CEP350: variants seen among roughly 807,000 people sequenced by gnomAD.
CEP350 encodes centrosome-associated protein 350.
A neutral mutation model predicts 331.8 loss-of-function variants in CEP350; 126 were observed. That is an observed-to-expected ratio of 0.38 (90% CI 0.33 to 0.44). CEP350 has a LOEUF of 0.44. Ranked by LOEUF, CEP350 falls within the 20% of genes least tolerant of loss-of-function variation. The pLI is 1.00. For missense variants in CEP350, 3,406 were observed against 3,634.6 expected, an observed-to-expected ratio of 0.94 and a Z score of 1.62; for synonymous variants, 1,200 against 1,259.5, an observed-to-expected ratio of 0.95 and a Z score of 1.00.
Position 179,954,999 on chromosome 1 carries a change from G to A in CEP350, c.-157G>A. The A allele has an allele frequency of 4.7e-6, 6 of 1,284,316 alleles. No homozygotes were observed. Among genetic ancestry groups the A allele is most frequent in the Non-Finnish European group, 6.0e-6 (6 of 1,006,556 alleles). 79.6% of individuals were successfully genotyped at this position (1,284,316 alleles called of 1,614,324 possible). ...GCGGACCGGCGGATCCCCGGAGCCGGTGCGAGGAGGGCACCCGGTGCGTCC... is the reference window on the plus strand; with the variant it reads ...GCGGACCGGCGGATCCCCGGAGCCGATGCGAGGAGGGCACCCGGTGCGTCC... On this transcript the variant is annotated 5_prime_UTR_variant, in exon 1 of 38. In the 5' UTR this introduces an upstream ATG that the reference lacks. Coordinates refer to ENST00000367607, the MANE Select transcript of CEP350 (RefSeq NM_014810.5).
chr1:179,960,953 A>G (rs1650561785), intron 1 of CEP350, among the ~76,000 whole-genome samples: 1 of 152,096 alleles, frequency 6.6e-6, no homozygotes. Context: ...GGGGTCTGTG[A>G]ACTGAGAAAG....
At chr1:179,976,531 T>C (rs1651880699) in intron 1 of CEP350, among the ~76,000 whole-genome samples, 1 of 151,834 alleles carries the variant, frequency 6.6e-6, no homozygotes, top group Non-Finnish European at 1.5e-5. Context: ...TTAAGAAATA[T>C]ATGTCCCAGC....
chr1:179,969,632 G>T, intron 1 of CEP350: 3 of 327,254 alleles, frequency 9.2e-6, no homozygotes, highest in South Asian at 7.7e-5. Flanking sequence ...CTCAAAAAGT[G>T]ATCAGTGTGT....
Position 180,041,648 on chromosome 1 carries a change from C to A in CEP350, c.4222-14C>A, listed in dbSNP as rs199979740. The stretch of plus-strand genomic sequence containing the variant: ...TAAAACATAACTTCTTTTTTAAACC[C>A]CTTTTATTTAAAGGTCCATGCAGAA... On this transcript the variant is annotated splice_polypyrimidine_tract_variant and intron_variant, in intron 18 of 37. Coordinates refer to ENST00000367607, the MANE Select transcript of CEP350 (RefSeq NM_014810.5). 104 of 1,598,816 alleles carry A rather than the reference C, an allele frequency of 6.5e-5. No homozygotes were observed. In the East Asian group the frequency reaches 2.3e-3, roughly 36 times the overall value.
At chr1:180,076,193 G>A (rs1269806385) in intron 28 of CEP350, among the ~76,000 whole-genome samples, 7 of 151,594 alleles carry the variant, frequency 4.6e-5, no homozygotes, top group Admixed American at 4.6e-4. Flanking sequence ...GGGAAAACCT[G>A]GTATTATAGT....
At chr1:180,039,129 G>A (rs914943655) in intron 17 of CEP350, among the ~76,000 whole-genome samples, 1 of 151,238 alleles carries the variant, frequency 6.6e-6, no homozygotes, top group Non-Finnish European at 1.5e-5. Context: ...TGGGCGTGGT[G>A]GGGGGGTGGG....
chr1:179,970,767 T>A (rs976889055), intron 1 of CEP350, among the ~76,000 whole-genome samples: 2 of 152,252 alleles, frequency 1.3e-5, no homozygotes, highest in Non-Finnish European at 2.9e-5. Flanking sequence ...TGTTAGAAGA[T>A]AATTGAGAAT....
intron 32 of CEP350, 92 bp from the exon 33 acceptor site, chr1:180,090,597 GATTGACATACCTACTGTAGAGAAGA>G (rs1660136090): frequency 3.4e-6 from 1 of 294,988 alleles, no homozygotes; most frequent in African/African-American, 2.8e-5. Context: ...AAGTGACATA[GATTGACATACCTACTGTAGAGAAGA>G]GGAAAGAAGC....
chr1:180,065,864 A>T (rs1658520508), intron 27 of CEP350, among the ~76,000 whole-genome samples: 1 of 152,166 alleles, frequency 6.6e-6, no homozygotes, highest in East Asian at 1.9e-4. Flanking sequence ...TTTTAATTTT[A>T]TAGAAATTAA....
intron 25 of CEP350, among the ~76,000 whole-genome samples, chr1:180,055,637 G>A (rs948578596): frequency 1.6e-5 from 2 of 128,898 alleles, no homozygotes; most frequent in East Asian, 2.6e-4. Flanking sequence ...TGCAAGCTCC[G>A]CCTCCCAGGC....
At chr1:180,036,221 T>C (rs182874286) in intron 16 of CEP350, among the ~76,000 whole-genome samples, 2 of 152,346 alleles carry the variant, frequency 1.3e-5, no homozygotes, top group Admixed American at 1.3e-4. Context: ...TTCTTATGCA[T>C]GAGCAAAGAA....
intron 7 of CEP350, among the ~76,000 whole-genome samples, chr1:180,004,468 G>C (rs1206913549): frequency 6.6e-6 from 1 of 152,174 alleles, no homozygotes; most frequent in African/African-American, 2.4e-5. Flanking sequence ...ATAACATGCT[G>C]TTATATCAGT....
At chr1:179,963,893 T>C (rs924449596) in intron 1 of CEP350, among the ~76,000 whole-genome samples, 2 of 152,188 alleles carry the variant, frequency 1.3e-5, no homozygotes, top group African/African-American at 2.4e-5. Flanking sequence ...GGGAATAGAA[T>C]TTTTGGATTG....
chr1:180,049,543 CTTTTTTT>C (rs34061683), intron 22 of CEP350, among the ~76,000 whole-genome samples: 1 of 130,186 alleles, frequency 7.7e-6, no homozygotes, highest in Non-Finnish European at 1.6e-5. Context: ...TTACTTACAC[CTTTTTTT>C]TTTTTTTTTT....
chr1:180,016,071 C>T (rs1654950661), intron 11 of CEP350, 101 bp downstream of exon 11: 1 of 1,359,230 alleles, frequency 7.4e-7, no homozygotes, highest in Non-Finnish European at 1.0e-6. Context: ...AACAAGAGGG[C>T]AGAGAGGTTT....
intron 27 of CEP350, among the ~76,000 whole-genome samples, chr1:180,070,949 ACCAACCTGG>A (rs1027223410): frequency 6.6e-6 from 1 of 151,996 alleles, no homozygotes; most frequent in African/African-American, 2.4e-5. Context: ...GGAGATCGAG[ACCAACCTGG>A]CCAACATGGT....
intron 29 of CEP350, among the ~76,000 whole-genome samples, chr1:180,079,528 A>C (rs1196903971): frequency 2.0e-5 from 3 of 151,914 alleles, no homozygotes; most frequent in Non-Finnish European, 4.4e-5. Context: ...AAAATATTTC[A>C]ATGTCCTTGT....
At chr1:180,035,524 G>GA (rs895546236) in intron 16 of CEP350, among the ~76,000 whole-genome samples, 2 of 152,166 alleles carry the variant, frequency 1.3e-5, no homozygotes, top group African/African-American at 2.4e-5. Flanking sequence ...TTACCATTCT[G>GA]AAAATCCTAG....
At chr1:180,016,075 G>A in intron 11 of CEP350, 105 bp downstream of exon 11, 1 of 1,339,628 alleles carries the variant, frequency 7.5e-7, no homozygotes. Context: ...AGAGGGCAGA[G>A]AGGTTTATTT....
Sources: allele counts gnomAD v4.1 joint callset (sites outside exome capture counted in the v4.1 genomes callset), GRCh38; gene constraint gnomAD v4.1.1; transcripts MANE v1.5; gene names NCBI Gene and HGNC (gene_info 2026-07-23, HGNC 2026-07-21).